Variants in LRGUK observed in about 807,000 individuals in gnomAD.
LRGUK encodes leucine-rich repeat and guanylate kinase domain-containing protein.
A neutral mutation model predicts 76.0 loss-of-function variants in LRGUK; 65 were observed. That is an observed-to-expected ratio of 0.85 (90% CI 0.70 to 1.05). LRGUK has a LOEUF of 1.05. Ranked by LOEUF, LRGUK falls within the 50% of genes least tolerant of loss-of-function variation. LRGUK has a pLI of 0.00. For missense variants in LRGUK, 758 were observed against 732.8 expected (o/e 1.03, Z -0.40); for synonymous variants, 268 against 265.6 (o/e 1.01, Z -0.09).
intron 1 of LRGUK, among the ~76,000 whole-genome samples, chr7:134,135,864 G>A (rs983563979): frequency 2.0e-5 from 3 of 152,182 alleles, no homozygotes; most frequent in African/African-American, 4.8e-5. Context: ...CACCGTGTTA[G>A]CCAGGATGGT....
exon 14 of LRGUK, chr7:134,199,415 A>C: frequency 6.2e-7 from 1 of 1,610,662 alleles, no homozygotes. Context: ...TGAGGTAATC[A>C]ATGCAGGTTG....
chr7:134,177,568 G>A (rs999871810), intron 9 of LRGUK, among the ~76,000 whole-genome samples: 4 of 152,112 alleles, frequency 2.6e-5, no homozygotes, highest in Non-Finnish European at 5.9e-5. Flanking sequence ...AGAATAACCA[G>A]AACTTGAATG....
chr7:134,173,102 C>T (rs1293261327), intron 7 of LRGUK, among the ~76,000 whole-genome samples: 1 of 149,126 alleles, frequency 6.7e-6, no homozygotes, highest in Non-Finnish European at 1.5e-5. Context: ...CAATAGAAAA[C>T]AATTGATCCC....
intron 6 of LRGUK, 113 bp from the exon 7 acceptor site, chr7:134,163,284 C>A: frequency 1.1e-6 from 1 of 876,662 alleles, no homozygotes; most frequent in Non-Finnish European, 1.7e-6. Flanking sequence ...GACAAGAATG[C>A]CTTCTTGATT....
intron 7 of LRGUK, among the ~76,000 whole-genome samples, chr7:134,163,949 T>C (rs766604200): frequency 6.6e-6 from 1 of 152,100 alleles, no homozygotes; most frequent in Non-Finnish European, 1.5e-5. Flanking sequence ...TCTAGGGCCA[T>C]GATGGGGGGA....
chr7:134,178,558 ACCT>A, exon 10 of LRGUK: 1 of 1,613,286 alleles, frequency 6.2e-7, no homozygotes, highest in Non-Finnish European at 8.5e-7. Flanking sequence ...GCTCAAGACC[ACCT>A]GACCCATGTT....
chr7:134,199,991 T>C (rs1345667384), intron 14 of LRGUK, among the ~76,000 whole-genome samples: 4 of 101,386 alleles, frequency 3.9e-5, no homozygotes, highest in African/African-American at 1.6e-4. Context: ...TTTATATATA[T>C]ATATATATAT....
At chr7:134,172,575 A>G (rs1437263717) in intron 7 of LRGUK, among the ~76,000 whole-genome samples, 1 of 152,228 alleles carries the variant, frequency 6.6e-6, no homozygotes, top group African/African-American at 2.4e-5. Flanking sequence ...AGAATGCACC[A>G]GTTTCCACTC....
chr7:134,183,539 T>G (rs1057161465), intron 10 of LRGUK, among the ~76,000 whole-genome samples, 195 bp from the exon 11 acceptor site: 5 of 152,252 alleles, frequency 3.3e-5, no homozygotes, highest in Non-Finnish European at 7.3e-5. Context: ...ATATTTTACC[T>G]TATTTGTTAT....
At chr7:134,185,428 G>C (rs1235905764) in intron 11 of LRGUK, among the ~76,000 whole-genome samples, 1 of 151,808 alleles carries the variant, frequency 6.6e-6, no homozygotes, top group Admixed American at 6.6e-5. Context: ...GGGTGTGTTG[G>C]CGCACACCTG....
At chr7:134,159,838 G>T (rs974940718) in intron 6 of LRGUK, among the ~76,000 whole-genome samples, 14 of 152,120 alleles carry the variant, frequency 9.2e-5, no homozygotes, top group African/African-American at 3.4e-4. Flanking sequence ...TTCCATTCCT[G>T]CAGTGAGTTA....
intron 14 of LRGUK, 67 bp from the exon 15 acceptor site, chr7:134,201,414 C>T (rs982375594): frequency 2.3e-5 from 28 of 1,198,010 alleles, no homozygotes; most frequent in African/African-American, 2.0e-4. Context: ...TCATTACCAC[C>T]GATAGTTGAA....
At chr7:134,271,558 A>G in the LRGUK span, among the ~76,000 whole-genome samples, 7 of 151,858 alleles carry the variant, frequency 4.6e-5, no homozygotes, top group Non-Finnish European at 8.8e-5. Flanking sequence ...CCTCTCTCTC[A>G]TAGATTGTTT....
At chr7:134,192,965 C>A (rs1026786186) in intron 12 of LRGUK, among the ~76,000 whole-genome samples, 6 of 152,180 alleles carry the variant, frequency 3.9e-5, no homozygotes, top group Non-Finnish European at 8.8e-5. Context: ...TTCCCACCCC[C>A]CAAATAATGG....
intron 15 of LRGUK, 103 bp from the exon 16 acceptor site, chr7:134,221,676 C>T: frequency 2.5e-6 from 2 of 803,916 alleles, no homozygotes; most frequent in Non-Finnish European, 3.5e-6. Flanking sequence ...TTTTAAGTAT[C>T]CAGCTTGTTA....
chr7:134,242,939 C>A (rs1233665965), intron 16 of LRGUK, among the ~76,000 whole-genome samples: 1 of 152,094 alleles, frequency 6.6e-6, no homozygotes, highest in African/African-American at 2.4e-5. Flanking sequence ...ATAAACAGAA[C>A]CAAAGACAAA....
intron 16 of LRGUK, among the ~76,000 whole-genome samples, chr7:134,238,041 T>A (rs1421478): frequency 0.34 from 51,693 of 152,052 alleles, 10,818 homozygotes; most frequent in South Asian, 0.49. Flanking sequence ...AAAACATTTT[T>A]TACAAATGTT....
downstream of LRGUK, among the ~76,000 whole-genome samples, chr7:134,213,208 G>C (rs1337717032): frequency 1.3e-5 from 2 of 152,118 alleles, no homozygotes; most frequent in African/African-American, 4.8e-5. Flanking sequence ...TTGGAAACTT[G>C]ATCTTTAACA....
chr7:134,162,851 A>G (rs1039403470), intron 6 of LRGUK, among the ~76,000 whole-genome samples: 2 of 148,144 alleles, frequency 1.4e-5, no homozygotes, highest in African/African-American at 5.0e-5. Flanking sequence ...AAAAAAAAAA[A>G]GAGTGGACAG....
Sources: gnomAD v4.1 joint callset for allele counts (sites outside exome capture counted in the v4.1 genomes callset) on GRCh38, gnomAD v4.1.1 for gene constraint, MANE v1.5 for transcripts, NCBI Gene and HGNC (gene_info 2026-07-23, HGNC 2026-07-21) for gene names.